ATXN1: variants seen among roughly 807,000 people sequenced by gnomAD.
The protein encoded by ATXN1 is ataxin-1.
ATXN1 carries 8 observed loss-of-function variants against 56.4 expected under a neutral mutation model. The ratio of observed to expected loss-of-function variants is 0.14; its 90% CI spans 0.08 to 0.26. The LOEUF (loss-of-function observed/expected upper bound fraction) is 0.26, where lower values mean the gene tolerates loss of function less well. ATXN1 is among the 10% of genes least tolerant of loss of function. ATXN1 has a pLI of 1.00. For synonymous variants in ATXN1, 514 were observed against 494.6 expected (o/e 1.04, Z -0.52); for missense variants, 987 against 1,106.5 (o/e 0.89, Z 1.53).
intron 6 of ATXN1, among the ~76,000 whole-genome samples, chr6:16,443,790 A>G (rs961333649): frequency 6.6e-6 from 1 of 152,212 alleles, no homozygotes; most frequent in African/African-American, 2.4e-5. Flanking sequence ...GTGGCACATC[A>G]GTATAAACTC....
At position 16,391,260 on chromosome 6, in the gene ATXN1, T is replaced by TA. The variant is rs1561877888; in HGVS notation, c.-160-62791_-160-62790insT. Among the ~76,000 whole-genome samples, 15 of 151,698 alleles carry TA rather than the reference T, an allele frequency of 9.9e-5. No individual in the cohort carries two copies. In the South Asian group the frequency reaches 1.0e-3, roughly 11 times the overall value. ...TATATTTATAGATTACTATTTTTTT[T>TA]TAAAAAAAAGAAGCTCTTCTTTGAA... On this transcript the variant is annotated intron_variant, in intron 6 of 7. Transcript: ENST00000436367.
chr6:16,568,955 A>C (rs1252684709), intron 4 of ATXN1, among the ~76,000 whole-genome samples: 2 of 152,152 alleles, frequency 1.3e-5, no homozygotes, highest in Non-Finnish European at 2.9e-5. Flanking sequence ...GGACTGGATA[A>C]TTTCAGGAAT....
At chr6:16,610,113 A>G (rs1406117149) in intron 3 of ATXN1, among the ~76,000 whole-genome samples, 1 of 152,186 alleles carries the variant, frequency 6.6e-6, no homozygotes, top group Non-Finnish European at 1.5e-5. Context: ...CAAATCAGAT[A>G]GATGCTAATG....
rs557710906 is a variant in ATXN1, at chr6:16,481,615, C to T, written c.-161+4357G>A. On this transcript the variant is annotated intron_variant, in intron 6 of 7. Transcript: ENST00000436367. ...TCCAGAAACCTTTATTATTGCTGTCCTCAAAAGCTAACTAGCACAATGCCT... is the reference window on the plus strand; with the variant it reads ...TCCAGAAACCTTTATTATTGCTGTCTTCAAAAGCTAACTAGCACAATGCCT... Among the ~76,000 whole-genome samples the T allele has an allele frequency of 3.9e-5, 6 of 152,214 alleles. No homozygotes were observed. In the East Asian group the frequency reaches 9.6e-4, roughly 24 times the overall value.
chr6:16,696,978 A>G (rs1237775523), intron 2 of ATXN1, among the ~76,000 whole-genome samples: 1 of 152,240 alleles, frequency 6.6e-6, no homozygotes, highest in East Asian at 1.9e-4. Flanking sequence ...TCCATCAGTA[A>G]GAGTTTTAAG....
In ATXN1 at chr6:16,600,409, G is replaced by A. The variant is rs577928179; in HGVS notation, c.-488-14502C>T. Reference sequence around the variant, plus strand: ...CATAACTTTTTTTGAAAATTTCTCCGTGATATTAGCTATGCAAAAACACTG... The same window carrying A: ...CATAACTTTTTTTGAAAATTTCTCCATGATATTAGCTATGCAAAAACACTG... On this transcript the variant is annotated intron_variant, in intron 3 of 7. Transcript: ENST00000436367. Among the ~76,000 whole-genome samples, 36 of 152,194 alleles carry A rather than the reference G, an allele frequency of 2.4e-4. 1 individual carries two copies. The highest frequency in any genetic ancestry group is 6.7e-4 in the African/African-American group (28 of 41,510).
At chr6:16,563,980 A>G (rs1209229187) in intron 4 of ATXN1, among the ~76,000 whole-genome samples, 1 of 152,172 alleles carries the variant, frequency 6.6e-6, no homozygotes, top group Non-Finnish European at 1.5e-5. Flanking sequence ...CAACAGGTGT[A>G]TGATCTGGGA....
intron 5 of ATXN1, among the ~76,000 whole-genome samples, chr6:16,487,862 A>G (rs1044151007): frequency 1.7e-4 from 26 of 152,194 alleles, no homozygotes; most frequent in African/African-American, 6.3e-4. Flanking sequence ...TCGAACAGGA[A>G]AGTCAAAAAT....
intron 3 of ATXN1, among the ~76,000 whole-genome samples, chr6:16,654,436 C>T (rs959180333): frequency 2.2e-4 from 34 of 151,408 alleles, no homozygotes; most frequent in Middle Eastern, 3.4e-3. Context: ...CCCAGCTACT[C>T]AGGAGGCTGA....
chr6:16,421,774 A>G (rs1268935577), intron 6 of ATXN1, among the ~76,000 whole-genome samples: 1 of 152,098 alleles, frequency 6.6e-6, no homozygotes, highest in East Asian at 1.9e-4. Flanking sequence ...ATACAAGTAC[A>G]TGTGCAGGCG....
At chr6:16,495,680 T>A (rs1034223147) in intron 5 of ATXN1, among the ~76,000 whole-genome samples, 1 of 152,070 alleles carries the variant, frequency 6.6e-6, no homozygotes, top group Non-Finnish European at 1.5e-5. Context: ...CTGGCCAACA[T>A]GGTGAAACCC....
chr6:16,554,489 T>C (rs1761975900), intron 4 of ATXN1, among the ~76,000 whole-genome samples: 1 of 152,220 alleles, frequency 6.6e-6, no homozygotes, highest in Non-Finnish European at 1.5e-5. Flanking sequence ...TTGGTTCTTG[T>C]CGCCCAGGCT....
chr6:16,740,322 T>C (rs1345538155), intron 2 of ATXN1, among the ~76,000 whole-genome samples: 1 of 152,170 alleles, frequency 6.6e-6, no homozygotes, highest in East Asian at 1.9e-4. Context: ...CAGATACAAA[T>C]GTCCAGCACC....
At chr6:16,443,280 C>G (rs1759558978) in intron 6 of ATXN1, among the ~76,000 whole-genome samples, 1 of 147,238 alleles carries the variant, frequency 6.8e-6, no homozygotes, top group Non-Finnish European at 1.5e-5. Flanking sequence ...AAAGATATGC[C>G]TAAAAATGGT....
chr6:16,300,435 T>G lies in ATXN1; in HGVS notation c.*5894A>C, dbSNP rs1385199303. The G allele has an allele frequency of 6.6e-6, 1 of 151,750 alleles. No individual in the cohort carries two copies. Among genetic ancestry groups the G allele is most frequent in the Non-Finnish European group, 1.5e-5 (1 of 68,038 alleles). The allele number at this position is 151,750 out of a possible 1,614,324, so 9.4% of individuals were successfully genotyped here. A position where few individuals can be genotyped will look rare whatever the true frequency, so the allele number is the denominator to read the frequency against. On this transcript the variant is annotated 3_prime_UTR_variant, in exon 8 of 8. Transcript: ENST00000436367. ...AACGAGAAGGGAGGGGACGAGATTC[T>G]GAATTTAAGAATTGTAAGTGGGGGT...
chr6:16,672,917 G>A (rs760191656), intron 2 of ATXN1, among the ~76,000 whole-genome samples: 6 of 151,008 alleles, frequency 4.0e-5, no homozygotes, highest in Non-Finnish European at 8.8e-5. Context: ...GGGAGGCTGA[G>A]GCAGGAGAAT....
chr6:16,495,091 C>T (rs1760753554), intron 5 of ATXN1, among the ~76,000 whole-genome samples: 1 of 152,178 alleles, frequency 6.6e-6, no homozygotes, highest in South Asian at 2.1e-4. Context: ...CAGCCTGTGC[C>T]TCATGCTTTG....
At chr6:16,471,329 A>G (rs1760212769) in intron 6 of ATXN1, among the ~76,000 whole-genome samples, 1 of 152,194 alleles carries the variant, frequency 6.6e-6, no homozygotes, top group Non-Finnish European at 1.5e-5. Context: ...TTGAATTTTC[A>G]GTGTCATCCT....
intron 6 of ATXN1, among the ~76,000 whole-genome samples, chr6:16,398,547 T>C (rs1384434735): frequency 1.3e-5 from 2 of 152,212 alleles, no homozygotes; most frequent in African/African-American, 4.8e-5. Flanking sequence ...CACGTATATA[T>C]ATGAACATGT....
Sources: allele counts gnomAD v4.1 joint callset (sites outside exome capture counted in the v4.1 genomes callset), GRCh38; gene constraint gnomAD v4.1.1; transcripts MANE v1.5; gene names NCBI Gene and HGNC (gene_info 2026-07-23, HGNC 2026-07-21).